The following DPP6 variants were observed in gnomAD, a reference collection of about 807,000 sequenced individuals.
The protein encoded by DPP6 is dipeptidyl peptidase like 6, also known as A-type potassium channel modulatory protein DPP6.
Under a neutral mutation model 122.6 loss-of-function variants are expected in DPP6, and 69 were observed. The observed-to-expected ratio is 0.56, with a 90% CI of 0.46 to 0.69. DPP6 has a LOEUF of 0.69. Ranked by LOEUF, DPP6 falls within the 30% of genes least tolerant of loss-of-function variation. DPP6 has a pLI of 0.00. For missense variants in DPP6, 928 were observed against 1,116.9 expected (o/e 0.83, Z 2.41); for synonymous variants, 418 against 433.1 (o/e 0.97, Z 0.43).
chr7:153,773,283 G>GTGTGTGTGTGTGTC, the DPP6 span, among the ~76,000 whole-genome samples: 1 of 144,570 alleles, frequency 6.9e-6, no homozygotes, highest in Non-Finnish European at 1.5e-5. Flanking sequence ...GTGTGTGTGT[G>GTGTGTGTGTGTGTC]TGTGTGTGTC....
chr7:154,698,507 T>C (rs1402275889), intron 7 of DPP6, among the ~76,000 whole-genome samples: 1 of 151,212 alleles, frequency 6.6e-6, no homozygotes, highest in Non-Finnish European at 1.5e-5. Context: ...TAAAGAGAAC[T>C]TGCTAAGGCT....
chr7:153,863,297 G>T, the DPP6 span, among the ~76,000 whole-genome samples: 5 of 152,092 alleles, frequency 3.3e-5, no homozygotes, highest in African/African-American at 1.2e-4. Flanking sequence ...GTATTCCATG[G>T]TATATATGTA....
At chr7:154,054,495 C>G (rs1158709708) in intron 1 of DPP6, among the ~76,000 whole-genome samples, 1 of 152,122 alleles carries the variant, frequency 6.6e-6, no homozygotes, top group African/African-American at 2.4e-5. Context: ...CACAGGTACA[C>G]ACCCCCTACA....
intron 3 of DPP6, among the ~76,000 whole-genome samples, chr7:154,477,459 C>A (rs897730799): frequency 6.6e-6 from 1 of 152,016 alleles, no homozygotes; most frequent in Non-Finnish European, 1.5e-5. Flanking sequence ...AAAGTGTATT[C>A]ATACCTATAA....
At chr7:154,228,133 T>C (rs1157518780) in intron 1 of DPP6, among the ~76,000 whole-genome samples, 3 of 152,228 alleles carry the variant, frequency 2.0e-5, no homozygotes, top group African/African-American at 4.8e-5. Flanking sequence ...AATTCTCAAA[T>C]TGTTTTTTGT....
At chr7:154,303,880 C>T (rs970421063) in intron 1 of DPP6, among the ~76,000 whole-genome samples, 9 of 152,132 alleles carry the variant, frequency 5.9e-5, no homozygotes, top group African/African-American at 2.2e-4. Context: ...CCCACAGTGC[C>T]TTGCATTTTG....
chr7:154,284,485 G>T (rs561664113), intron 1 of DPP6, among the ~76,000 whole-genome samples: 2 of 152,286 alleles, frequency 1.3e-5, no homozygotes, highest in Non-Finnish European at 1.5e-5. Flanking sequence ...TGGTATATCC[G>T]TACAATGGAA....
chr7:153,903,903 T>A (rs1336508337), intron 1 of DPP6, among the ~76,000 whole-genome samples: 1 of 152,182 alleles, frequency 6.6e-6, no homozygotes, highest in Non-Finnish European at 1.5e-5. Flanking sequence ...GGAAGAGGAC[T>A]GAGGGTTGAG....
At chr7:153,850,519 G>T in the DPP6 span, among the ~76,000 whole-genome samples, 1 of 152,118 alleles carries the variant, frequency 6.6e-6, no homozygotes, top group Non-Finnish European at 1.5e-5. Flanking sequence ...GGAAACCATA[G>T]GTCCTATTCA....
In DPP6 at chr7:153,997,030, CCTCT is replaced by C. The variant is rs139415383; in HGVS notation, c.51+109314_51+109317del. Among the ~76,000 whole-genome samples, 28 of 148,260 alleles carry C rather than the reference CCTCT, an allele frequency of 1.9e-4. 1 individual carries two copies. The South Asian group carries it at 3.7e-3, about 19-fold the overall frequency. On this transcript the variant is annotated intron_variant, in intron 1 of 25. Coordinates refer to the DPP6 transcript ENST00000404039. Reference sequence around the variant, plus strand: ...ATTAAAAAAATGGAAAATCTTTATGCCTCTCTCTCTCTCTCTCTCTCCATCCAAT... The same window carrying C: ...ATTAAAAAAATGGAAAATCTTTATGCCTCTCTCTCTCTCTCTCCATCCAAT...
rs1417839334 is a variant in DPP6 at position 154,889,295 on chromosome 7, C to G, written c.2328C>G (p.Val776=). 6.2e-7 allele frequency: 1 copy of G among 1,613,122 alleles called. No individual in the cohort carries two copies. The highest frequency in any genetic ancestry group is 1.7e-5 in the Admixed American group (1 of 59,918). Reference sequence around the variant, plus strand: ...AGATGACCAAGGTAGCCCATCGAGTCTCCGCGCTGGAAGAACAGCAGTTCC... The same window carrying G: ...AGATGACCAAGGTAGCCCATCGAGTGTCCGCGCTGGAAGAACAGCAGTTCC... ...AYEMTKVAHR[V]SALEEQQFLI... The change falls in exon 24 of 26, where the codon GTC becomes GTG. Residue 776 remains valine (V), a synonymous_variant. Coordinates refer to ENST00000377770, the MANE Select transcript of DPP6 (RefSeq NM_130797.4).
intron 1 of DPP6, among the ~76,000 whole-genome samples, chr7:154,420,714 C>T (rs976343615): frequency 3.9e-5 from 6 of 151,988 alleles, no homozygotes; most frequent in Non-Finnish European, 7.4e-5. Context: ...GTTCTCACAA[C>T]AAAAAATAAG....
Position 154,061,919 on chromosome 7 carries a change from G to T in DPP6, c.243+8856G>T, listed in dbSNP as rs566920805. 3.0e-3 allele frequency among the ~76,000 whole-genome samples: 336 copies of T among 110,730 alleles called. 9 individuals are homozygous for T. The highest frequency in any genetic ancestry group is 8.2e-3 in the African/African-American group (230 of 27,956). The allele number at this position is 110,730 out of a possible 152,430, so 72.6% of individuals were successfully genotyped here. Reference sequence around the variant, plus strand: ...CAATCCCTCTTCCCCCCCTGGCTCTGAGGACCCCCATCGCAGGAGGGGGAG... The same window carrying T: ...CAATCCCTCTTCCCCCCCTGGCTCTTAGGACCCCCATCGCAGGAGGGGGAG... On this transcript the variant is annotated intron_variant, in intron 1 of 25. Coordinates refer to ENST00000377770, the MANE Select transcript of DPP6 (RefSeq NM_130797.4).
At chr7:154,301,265 C>T (rs1388355307) in intron 1 of DPP6, among the ~76,000 whole-genome samples, 2 of 152,142 alleles carry the variant, frequency 1.3e-5, no homozygotes, top group Non-Finnish European at 2.9e-5. Flanking sequence ...TAGTGTCTTT[C>T]TTTGCTAAGT....
At position 154,034,584 on chromosome 7, in the gene DPP6, A is replaced by G. The variant is rs555396725; in HGVS notation, c.51+146850A>G. Among the ~76,000 whole-genome samples the G allele has an allele frequency of 4.1e-4, 62 of 152,164 alleles. 1 individual carries two copies. The highest frequency in any genetic ancestry group is 1.3e-3 in the African/African-American group (55 of 41,490). ...GAGATCAATGATTTCTCTTTTGCCTACTTTTGACTTAAGATAACATTTGTT... is the reference window on the plus strand; with the variant it reads ...GAGATCAATGATTTCTCTTTTGCCTGCTTTTGACTTAAGATAACATTTGTT... On this transcript the variant is annotated intron_variant, in intron 1 of 25. Transcript: ENST00000404039.
intron 16 of DPP6, among the ~76,000 whole-genome samples, chr7:154,827,165 A>T (rs1444257723): frequency 6.6e-6 from 1 of 150,990 alleles, no homozygotes; most frequent in Non-Finnish European, 1.5e-5. Flanking sequence ...GGCATATGAG[A>T]TACATAATCT....
the DPP6 span, among the ~76,000 whole-genome samples, chr7:153,848,762 A>G: frequency 2.6e-5 from 4 of 152,186 alleles, no homozygotes; most frequent in African/African-American, 9.7e-5. Flanking sequence ...ATGTGTTGTT[A>G]TATCAATCCT....
intron 7 of DPP6, among the ~76,000 whole-genome samples, chr7:154,685,880 A>C (rs1839567508): frequency 6.6e-6 from 1 of 152,198 alleles, no homozygotes; most frequent in Non-Finnish European, 1.5e-5. Flanking sequence ...TGTCCAAATC[A>C]TTAGGTGTTT....
intron 1 of DPP6, chr7:154,058,731 G>C (rs1396811734): frequency 1.3e-5 from 2 of 149,770 alleles, no homozygotes; most frequent in East Asian, 2.0e-4. Context: ...CCTTACGTGG[G>C]ATTACTGAGA....
Sources: gnomAD v4.1 joint callset for allele counts (sites outside exome capture counted in the v4.1 genomes callset) on GRCh38, gnomAD v4.1.1 for gene constraint, MANE v1.5 for transcripts, NCBI Gene and HGNC (gene_info 2026-07-23, HGNC 2026-07-21) for gene names.